Variants in CEP350 observed in about 807,000 individuals in gnomAD.
CEP350 encodes centrosomal protein 350.
In CEP350, 126 loss-of-function variants were observed where a neutral mutation model predicts 331.8. The ratio of observed to expected loss-of-function variants is 0.38; its 90% CI spans 0.33 to 0.44. CEP350 has a LOEUF of 0.44. Ranked by LOEUF, CEP350 falls within the 20% of genes least tolerant of loss-of-function variation. CEP350 has a pLI of 1.00. For missense variants in CEP350, 3,406 were observed against 3,634.6 expected (o/e 0.94, Z 1.62); for synonymous variants, 1,200 against 1,259.5 (o/e 0.95, Z 1.00).
At chr1:180,031,938 C>T (rs1182591700) in intron 15 of CEP350, among the ~76,000 whole-genome samples, 1 of 152,090 alleles carries the variant, frequency 6.6e-6, no homozygotes, top group Non-Finnish European at 1.5e-5. Context: ...TGTCAATTCT[C>T]ATCTATTCAT....
At chr1:179,960,889 G>A (rs1650557345) in intron 1 of CEP350, among the ~76,000 whole-genome samples, 2 of 152,018 alleles carry the variant, frequency 1.3e-5, no homozygotes, top group Admixed American at 6.6e-5. Flanking sequence ...AAATGGAACT[G>A]TTAGGTATTT....
Position 180,003,335 on chromosome 1 carries a change from A to G in CEP350, c.1132+48A>G, listed in dbSNP as rs374123518. 5.1e-5 allele frequency: 59 copies of G among 1,158,492 alleles called. No individual in the cohort carries two copies. The African/African-American group carries it at 8.4e-4, about 16-fold the overall frequency. The allele number at this position is 1,158,492 out of a possible 1,614,324, so 71.8% of individuals were successfully genotyped here. ...TTTTGAGTATTTTGTCATACATGCT[A>G]TCTAATTTATAATATTTACACATAA... On this transcript the variant is annotated intron_variant, in intron 7 of 37. Coordinates refer to ENST00000367607, the MANE Select transcript of CEP350 (RefSeq NM_014810.5).
chr1:180,098,809 G>A, intron 36 of CEP350, 54 bp from the exon 37 acceptor site: 17 of 1,542,872 alleles, frequency 1.1e-5, no homozygotes, highest in Middle Eastern at 1.8e-4. Flanking sequence ...GTAAACACAT[G>A]AAACTCAGGA....
At chr1:179,965,597 CT>C (rs1337846861) in intron 1 of CEP350, among the ~76,000 whole-genome samples, 1 of 117,350 alleles carries the variant, frequency 8.5e-6, no homozygotes, top group South Asian at 2.9e-4. Context: ...GACAAGTGAT[CT>C]TTTTTCTTTT....
chr1:180,051,408 A>G (rs1341484497), intron 22 of CEP350, among the ~76,000 whole-genome samples: 4 of 152,200 alleles, frequency 2.6e-5, no homozygotes, highest in East Asian at 3.8e-4. Flanking sequence ...AGCCACAACT[A>G]AAGAGTTGGA....
At chr1:180,074,889 T>G in intron 27 of CEP350, 133 bp from the exon 28 acceptor site, 1 of 672,080 alleles carries the variant, frequency 1.5e-6, no homozygotes. Flanking sequence ...TCAAGCTTTT[T>G]TCAGAGAGAA....
intron 14 of CEP350, among the ~76,000 whole-genome samples, chr1:180,029,133 T>TTA (rs1476779789): frequency 1.3e-5 from 2 of 152,210 alleles, no homozygotes. Flanking sequence ...AGTTGGTAGA[T>TTA]TAAAGTGGTA....
chr1:180,068,387 A>G (rs554226091), intron 27 of CEP350, among the ~76,000 whole-genome samples: 2 of 152,174 alleles, frequency 1.3e-5, no homozygotes, highest in African/African-American at 2.4e-5. Flanking sequence ...TGTGAAAGAC[A>G]TTAATAATAA....
chr1:179,999,581 TGTTTA>T (rs1335491984), intron 6 of CEP350, among the ~76,000 whole-genome samples: 1 of 152,170 alleles, frequency 6.6e-6, no homozygotes, highest in Non-Finnish European at 1.5e-5. Context: ...TAAGTTTGTT[TGTTTA>T]AAGACATAAT....
intron 1 of CEP350, among the ~76,000 whole-genome samples, chr1:179,970,718 G>A (rs1258111118): frequency 6.6e-6 from 1 of 152,216 alleles, no homozygotes; most frequent in Non-Finnish European, 1.5e-5. Flanking sequence ...TATGTGATTG[G>A]ATGAAAACAC....
chr1:180,093,887 G>A lies in CEP350; in HGVS notation c.7782G>A (p.Glu2594=). Residue 2594 remains glutamate (E), a synonymous_variant, in exon 34 of 38, where the codon GAG becomes GAA. Coordinates refer to ENST00000367607, the MANE Select transcript of CEP350 (RefSeq NM_014810.5). The part of the protein sequence containing the change: ...SDERYQCYNQ[E]QNDTEGPKDR... ...AACGATATCAGTGCTATAATCAAGAGCAAAATGATACAGAGGGTCCAAAAG... is the reference window on the plus strand; with the variant it reads ...AACGATATCAGTGCTATAATCAAGAACAAAATGATACAGAGGGTCCAAAAG... 1 of 1,613,810 alleles carries A rather than the reference G, an allele frequency of 6.2e-7. No individual in the cohort carries two copies. Among genetic ancestry groups the A allele is most frequent in the Non-Finnish European group, 8.5e-7 (1 of 1,179,858 alleles).
chr1:180,010,118 A>G (rs1185188449), intron 8 of CEP350, among the ~76,000 whole-genome samples: 1 of 152,102 alleles, frequency 6.6e-6, no homozygotes, highest in Non-Finnish European at 1.5e-5. Context: ...TTTTTTGTAT[A>G]TGTAAAATTT....
intron 1 of CEP350, among the ~76,000 whole-genome samples, chr1:179,971,081 T>C (rs1571792446): frequency 6.6e-6 from 1 of 150,972 alleles, no homozygotes; most frequent in African/African-American, 2.4e-5. Context: ...CAGGCTGGAG[T>C]GCAGCAGTGC....
intron 1 of CEP350, among the ~76,000 whole-genome samples, chr1:179,957,382 T>C (rs1008637318): frequency 6.6e-6 from 1 of 152,186 alleles, no homozygotes; most frequent in African/African-American, 2.4e-5. Context: ...TCAGATTGCA[T>C]AGTATTTTTT....
chr1:180,014,953 T>C (rs1328977051), intron 10 of CEP350, among the ~76,000 whole-genome samples: 3 of 152,230 alleles, frequency 2.0e-5, no homozygotes, highest in Non-Finnish European at 4.4e-5. Flanking sequence ...ATGTTGTCTA[T>C]ATTATACACT....
At chr1:180,073,773 C>T (rs1399852332) in intron 27 of CEP350, 3 of 1,302,084 alleles carry the variant, frequency 2.3e-6, no homozygotes, top group Non-Finnish European at 3.0e-6. Context: ...AAATCTTCCT[C>T]CTTATTTTGT....
At chr1:179,973,048 T>C (rs1651575435) in intron 1 of CEP350, among the ~76,000 whole-genome samples, 1 of 152,018 alleles carries the variant, frequency 6.6e-6, no homozygotes, top group South Asian at 2.1e-4. Flanking sequence ...TTTGTATTTT[T>C]AGTAGAGACG....
chr1:179,995,195 T>G (rs914947587), intron 5 of CEP350, among the ~76,000 whole-genome samples: 1 of 152,166 alleles, frequency 6.6e-6, no homozygotes, highest in Non-Finnish European at 1.5e-5. Context: ...TCCAGCCTGT[T>G]GTTAGGTCTG....
chr1:180,072,475 T>C (rs1277082379), intron 27 of CEP350, among the ~76,000 whole-genome samples: 6 of 152,216 alleles, frequency 3.9e-5, no homozygotes, highest in Admixed American at 2.0e-4. Flanking sequence ...TTTTGCCAAG[T>C]GCCTTTGTTT....
Sources: gnomAD v4.1 joint callset for allele counts (sites outside exome capture counted in the v4.1 genomes callset) on GRCh38, gnomAD v4.1.1 for gene constraint, MANE v1.5 for transcripts, NCBI Gene and HGNC (gene_info 2026-07-23, HGNC 2026-07-21) for gene names.